The following IL1RAPL1 variants were observed in gnomAD, a reference collection of about 807,000 sequenced individuals.
The protein encoded by IL1RAPL1 is interleukin-1 receptor accessory protein-like 1.
Under a neutral mutation model 48.4 loss-of-function variants are expected in IL1RAPL1, and 3 were observed. The observed-to-expected ratio is 0.06, with a 90% CI of 0.03 to 0.16. IL1RAPL1 has a LOEUF of 0.16. Ranked by LOEUF, IL1RAPL1 falls within the 10% of genes least tolerant of loss-of-function variation. IL1RAPL1 has a pLI of 1.00. For synonymous variants in IL1RAPL1, 185 were observed against 187.7 expected (o/e 0.99, Z 0.12); for missense variants, 349 against 530.6 (o/e 0.66, Z 3.36).
At chrX:29,208,708 AAATAAT>A (rs1199838563) in intron 2 of IL1RAPL1, among the ~76,000 whole-genome samples, 32 of 100,878 alleles carry the variant, frequency 3.2e-4, no homozygotes, top group Admixed American at 1.3e-3. Flanking sequence ...AAGATTCCAA[AAATAAT>A]AATAATAATA....
intron 5 of IL1RAPL1, among the ~76,000 whole-genome samples, chrX:29,577,194 A>G (rs1922804161): frequency 8.9e-6 from 1 of 112,032 alleles, no homozygotes; most frequent in Admixed American, 9.5e-5. Flanking sequence ...TCGAGGGCAC[A>G]TATCTTTTGT....
intron 2 of IL1RAPL1, among the ~76,000 whole-genome samples, chrX:28,912,086 C>T (rs753200048): frequency 1.9e-5 from 2 of 105,507 alleles, no homozygotes; most frequent in South Asian, 8.8e-4. Context: ...TAGCACTTTG[C>T]CTTTGATTCC....
intron 5 of IL1RAPL1, among the ~76,000 whole-genome samples, chrX:29,585,227 C>A (rs5927854): frequency 0.28 from 30,973 of 111,017 alleles, 3,151 homozygotes; most frequent in South Asian, 0.44. Flanking sequence ...TGGAAACCAT[C>A]ATTCCACTCT....
At chrX:29,473,454 A>T (rs903748697) in intron 5 of IL1RAPL1, among the ~76,000 whole-genome samples, 1 of 110,919 alleles carries the variant, frequency 9.0e-6, no homozygotes, top group Non-Finnish European at 1.9e-5. Context: ...TTTTTACTCT[A>T]TGCTTTCTCA....
chrX:29,045,957 TCC>T (rs1926957556), intron 2 of IL1RAPL1, among the ~76,000 whole-genome samples: 1 of 65,727 alleles, frequency 1.5e-5, no homozygotes, highest in South Asian at 1.3e-3. Flanking sequence ...CTCCTCCTCC[TCC>T]TCCTCCTTCT....
chrX:28,947,309 C>G (rs770155098), intron 2 of IL1RAPL1, among the ~76,000 whole-genome samples: 1 of 111,405 alleles, frequency 9.0e-6, no homozygotes, highest in East Asian at 2.9e-4. Context: ...GTTTAATTCC[C>G]CATTAGAGTT....
intron 1 of IL1RAPL1, among the ~76,000 whole-genome samples, chrX:28,603,081 G>C (rs73205759): frequency 1.3e-4 from 14 of 111,791 alleles, no homozygotes; most frequent in Non-Finnish European, 2.4e-4. Flanking sequence ...CCTGAGGACA[G>C]TCTCTTAGAA....
intron 5 of IL1RAPL1, among the ~76,000 whole-genome samples, chrX:29,516,397 A>G (rs1411174138): frequency 2.7e-5 from 3 of 111,708 alleles, no homozygotes; most frequent in Non-Finnish European, 5.7e-5. Flanking sequence ...ATAGAGTAGT[A>G]CATCACCATA....
intron 5 of IL1RAPL1, among the ~76,000 whole-genome samples, chrX:29,639,974 TG>T (rs1925114757): frequency 9.0e-6 from 1 of 111,570 alleles, no homozygotes; most frequent in Non-Finnish European, 1.9e-5. Context: ...GGCATCTTTT[TG>T]GTCCTCTCTT....
At chrX:29,046,272 G>GGTGTTGAACTCCTA (rs1926969975) in intron 2 of IL1RAPL1, among the ~76,000 whole-genome samples, 1 of 110,471 alleles carries the variant, frequency 9.1e-6, no homozygotes, top group Admixed American at 9.7e-5. Context: ...TACCCAGACT[G>GGTGTTGAACTCCTA]GTGTTGAACT....
intron 2 of IL1RAPL1, among the ~76,000 whole-genome samples, chrX:29,043,176 A>T (rs1295718351): frequency 9.0e-6 from 1 of 111,687 alleles, no homozygotes; most frequent in African/African-American, 3.3e-5. Flanking sequence ...CATTGTGATG[A>T]TGTGTGAAAT....
intron 3 of IL1RAPL1, among the ~76,000 whole-genome samples, chrX:29,358,329 A>G (rs1237178432): frequency 9.0e-6 from 1 of 110,536 alleles, no homozygotes; most frequent in Non-Finnish European, 1.9e-5. Context: ...CCCAGTAAGT[A>G]AAAGAAGAAG....
At chrX:29,179,003 G>A (rs1930088835) in intron 2 of IL1RAPL1, among the ~76,000 whole-genome samples, 1 of 111,848 alleles carries the variant, frequency 8.9e-6, no homozygotes, top group African/African-American at 3.2e-5. Flanking sequence ...CTGTAGCCTT[G>A]TAGTATAGTT....
chrX:29,700,083 A>C (rs1927011482), intron 6 of IL1RAPL1, among the ~76,000 whole-genome samples: 2 of 111,346 alleles, frequency 1.8e-5, no homozygotes, highest in South Asian at 7.6e-4. Context: ...TTAAAACAAG[A>C]GGCATGAACC....
intron 6 of IL1RAPL1, among the ~76,000 whole-genome samples, chrX:29,845,983 G>T (rs1931238605): frequency 9.0e-6 from 1 of 111,071 alleles, no homozygotes; most frequent in Non-Finnish European, 1.9e-5. Flanking sequence ...TACCGTTCAT[G>T]AGAAACCCAC....
intron 6 of IL1RAPL1, among the ~76,000 whole-genome samples, chrX:29,913,667 C>A (rs982306495): frequency 9.0e-6 from 1 of 111,072 alleles, no homozygotes; most frequent in Non-Finnish European, 1.9e-5. Context: ...TTGTAACATT[C>A]TCAATCCTTG....
chrX:29,073,126 C>T (rs1443471044), intron 2 of IL1RAPL1, among the ~76,000 whole-genome samples: 4 of 112,163 alleles, frequency 3.6e-5, no homozygotes, highest in Non-Finnish European at 7.5e-5. Context: ...GTATCTCCCT[C>T]ACCTATATCT....
intron 6 of IL1RAPL1, among the ~76,000 whole-genome samples, chrX:29,736,790 T>C (rs1928059644): frequency 8.9e-6 from 1 of 112,446 alleles, no homozygotes; most frequent in South Asian, 3.7e-4. Context: ...ATGTGGCTAA[T>C]TGCAATACTC....
chrX:28,641,263 G>A (rs760512639), intron 1 of IL1RAPL1, among the ~76,000 whole-genome samples: 1 of 109,331 alleles, frequency 9.1e-6, no homozygotes, highest in African/African-American at 3.3e-5. Context: ...CCCTCCCTGT[G>A]TTCATATGTT....
Sources: gnomAD v4.1 joint callset for allele counts (sites outside exome capture counted in the v4.1 genomes callset) on GRCh38, gnomAD v4.1.1 for gene constraint, MANE v1.5 for transcripts, NCBI Gene and HGNC (gene_info 2026-07-23, HGNC 2026-07-21) for gene names.